CIAPIN1: variants seen among roughly 807,000 people sequenced by gnomAD.
CIAPIN1 encodes cytokine induced apoptosis inhibitor 1.
Under a neutral mutation model 34.3 loss-of-function variants are expected in CIAPIN1, and 18 were observed. That is an observed-to-expected ratio of 0.52 (90% CI 0.36 to 0.78). The LOEUF (loss-of-function observed/expected upper bound fraction) is 0.78. Ranked by LOEUF, CIAPIN1 falls within the 30% of genes least tolerant of loss-of-function variation. The pLI, the probability that CIAPIN1 is intolerant of heterozygous loss-of-function variation, is 0.00. For synonymous variants in CIAPIN1, 131 were observed against 140.4 expected (o/e 0.93, Z 0.47); for missense variants, 310 against 372.5 (o/e 0.83, Z 1.38).
rs1262724167 is a variant in CIAPIN1, at chr16:57,436,877, G to T, written c.311-145C>A. 5 of 516,192 alleles carry T rather than the reference G, an allele frequency of 9.7e-6. No homozygotes were observed. In the African/African-American group the frequency reaches 1.0e-4, roughly 10 times the overall value. 32.0% of individuals were successfully genotyped at this position (516,192 alleles called of 1,614,324 possible). The stretch of plus-strand genomic sequence containing the variant: ...CTCATGTCTGTAATCCCAGCACTTT[G>T]GGAGGCTGAGGTGGACAGATCACTT... On this transcript the variant is annotated intron_variant, in intron 3 of 8. Transcript: ENST00000394391.
chr16:57,438,622 T>G (rs747978456), intron 3 of CIAPIN1, among the ~76,000 whole-genome samples: 1 of 152,224 alleles, frequency 6.6e-6, no homozygotes, highest in Non-Finnish European at 1.5e-5. Flanking sequence ...TTATTATATG[T>G]GTAGATTTGT....
chr16:57,444,764 G>A (rs1489287060), intron 1 of CIAPIN1, among the ~76,000 whole-genome samples: 1 of 152,158 alleles, frequency 6.6e-6, no homozygotes, highest in African/African-American at 2.4e-5. Context: ...AAGCCAAAGT[G>A]TGATACTTTT....
At chr16:57,429,649 G>A (rs1034577917) in intron 8 of CIAPIN1, among the ~76,000 whole-genome samples, 3 of 151,742 alleles carry the variant, frequency 2.0e-5, no homozygotes, top group Non-Finnish European at 2.9e-5. Flanking sequence ...CCGCTACCAT[G>A]CCCGGCAAAT....
At chr16:57,436,556 A>G (rs937669764) in intron 4 of CIAPIN1, 100 bp downstream of exon 4, 6 of 877,264 alleles carry the variant, frequency 6.8e-6, no homozygotes. Flanking sequence ...CCTTTGAAGC[A>G]TCATGTATCT....
At position 57,445,834 on chromosome 16, in the gene CIAPIN1, GTTTTTTTTTT is replaced by G. The variant is rs751037117; in HGVS notation, c.-56+1498_-56+1507del. Among the ~76,000 whole-genome samples the G allele has an allele frequency of 2.9e-3, 205 of 70,490 alleles. 1 individual carries two copies. The Middle Eastern group carries it at 0.065, about 22-fold the overall frequency. The allele number at this position is 70,490 out of a possible 152,430, so 46.2% of individuals were successfully genotyped here. On this transcript the variant is annotated intron_variant, in intron 1 of 8. Coordinates refer to ENST00000394391, the MANE Select transcript of CIAPIN1 (RefSeq NM_020313.4). ...AGACACTTAGACTAAGACCTTAGAGGTTTTTTTTTTTTTTTTTTTTTTTTTTTTTTTGGCA... is the reference window on the plus strand; with the variant it reads ...AGACACTTAGACTAAGACCTTAGAGGTTTTTTTTTTTTTTTTTTTTTGGCA...
rs1401556232 is a variant in CIAPIN1 at position 57,431,456 on chromosome 16, T to C, written c.631-190A>G. ...GAGGCCAACGGTGAGTTAAACTACATCCACAGAAGATGCACTAGGATGCAA... is the reference window on the plus strand; with the variant it reads ...GAGGCCAACGGTGAGTTAAACTACACCCACAGAAGATGCACTAGGATGCAA... On this transcript the variant is annotated intron_variant, in intron 6 of 8. Coordinates refer to ENST00000394391, the MANE Select transcript of CIAPIN1 (RefSeq NM_020313.4). 6 of 473,768 alleles carry C rather than the reference T, an allele frequency of 1.3e-5. No individual in the cohort carries two copies. In the East Asian group the frequency reaches 1.9e-4, roughly 15 times the overall value. 29.3% of individuals were successfully genotyped at this position (473,768 alleles called of 1,614,324 possible). A position where few individuals can be genotyped will look rare whatever the true frequency, so the allele number is the denominator to read the frequency against.
intron 5 of CIAPIN1, chr16:57,433,687 C>A: frequency 4.0e-6 from 1 of 249,424 alleles, no homozygotes; most frequent in Non-Finnish European, 7.9e-6. Context: ...AGGAACAGGG[C>A]ACTCTCATAC....
chr16:57,433,264 G>A (rs555492284), intron 5 of CIAPIN1, among the ~76,000 whole-genome samples: 27 of 152,332 alleles, frequency 1.8e-4, no homozygotes, highest in African/African-American at 6.0e-4. Context: ...GGCCCTTGGG[G>A]TAAGAGTACC....
At chr16:57,437,076 G>A (rs138994570) in intron 3 of CIAPIN1, among the ~76,000 whole-genome samples, 3,087 of 152,194 alleles carry the variant, frequency 0.02, 59 homozygotes, top group Non-Finnish European at 0.031. Context: ...GCAGTGAGCC[G>A]AGATTGCACC....
intron 7 of CIAPIN1, chr16:57,430,541 G>A: frequency 1.7e-6 from 1 of 587,322 alleles, no homozygotes; most frequent in Non-Finnish European, 3.1e-6. Context: ...AGTACCGTGT[G>A]TGCTCTGTCT....
intron 1 of CIAPIN1, among the ~76,000 whole-genome samples, chr16:57,442,717 C>T (rs1396742590): frequency 6.6e-6 from 1 of 152,180 alleles, no homozygotes; most frequent in African/African-American, 2.4e-5. Context: ...CTCCTCTTTG[C>T]CTACAAAACA....
At position 57,431,218 on chromosome 16, in the gene CIAPIN1, G is replaced by C. The variant is rs779579156; in HGVS notation, c.679C>G (p.Pro227Ala). 6.2e-7 allele frequency: 1 copy of C among 1,613,736 alleles called. No individual in the cohort carries two copies. Among genetic ancestry groups the C allele is most frequent in the Admixed American group, 1.7e-5 (1 of 59,978 alleles). The change falls in exon 7 of 9, where the codon CCA becomes GCA. Residue 227 changes from proline (P) to alanine (A), a missense_variant. Coordinates refer to ENST00000394391, the MANE Select transcript of CIAPIN1 (RefSeq NM_020313.4). ...GCAGCCCGCAGGGAAGCTGGATCTG[G>C]CTTCTTCAAATCTTCTGGATCCAGC... The part of the protein sequence containing the change: ...ELLDPEDLKK[P>A]DPASLRAASC...
rs1903019270 is a variant in CIAPIN1 at position 57,429,085 on chromosome 16, AGAG to A, written c.*82_*84del. The A allele has an allele frequency of 4.4e-6, 4 of 905,952 alleles. No individual in the cohort carries two copies. The highest frequency in any genetic ancestry group is 2.4e-5 in the East Asian group (1 of 41,092). 56.1% of individuals were successfully genotyped at this position (905,952 alleles called of 1,614,324 possible). On this transcript the variant is annotated 3_prime_UTR_variant, in exon 9 of 9. Transcript: ENST00000394391. ...AACAGATCTCAGAGTGAACAAATCC[AGAG>A]GAGGTGGGAGGAGCCACCATGGTGG...
intron 5 of CIAPIN1, among the ~76,000 whole-genome samples, chr16:57,433,199 T>C (rs112089678): frequency 2.0e-5 from 3 of 152,168 alleles, no homozygotes; most frequent in African/African-American, 7.2e-5. Context: ...GTCAGGAGAA[T>C]GCAAGGAAGA....
chr16:57,447,043 T>C (rs2030108289), intron 1 of CIAPIN1, among the ~76,000 whole-genome samples: 1 of 152,090 alleles, frequency 6.6e-6, no homozygotes, highest in Non-Finnish European at 1.5e-5. Context: ...CTCGGAGCCG[T>C]TTCTCCTCAG....
At chr16:57,440,712 A>C (rs1467748490) in intron 2 of CIAPIN1, 60 bp downstream of exon 2, 9 of 1,514,842 alleles carry the variant, frequency 5.9e-6, no homozygotes, top group Non-Finnish European at 8.0e-6. Context: ...AACCACAGAA[A>C]TGCAACACTC....
In CIAPIN1 at chr16:57,431,241, A is replaced by G; in HGVS notation, c.656T>C (p.Leu219Pro). The change falls in exon 7 of 9, where the codon CTG becomes CCG. Residue 219 changes from leucine (L) to proline (P), a missense_variant. Coordinates refer to ENST00000394391, the MANE Select transcript of CIAPIN1 (RefSeq NM_020313.4). ...TGGCTTCTTCAAATCTTCTGGATCC[A>G]GCAGCTCATCTGAGTCAATGAGATC... ...SMDLIDSDEL[L>P]DPEDLKKPDP... The G allele has an allele frequency of 1.9e-6, 3 of 1,613,676 alleles. No homozygotes were observed. Among genetic ancestry groups the G allele is most frequent in the Non-Finnish European group, 2.5e-6 (3 of 1,179,672 alleles).
At chr16:57,440,656 C>G (rs1903309207) in intron 2 of CIAPIN1, 116 bp downstream of exon 2, 3 of 1,143,444 alleles carry the variant, frequency 2.6e-6, no homozygotes, top group Non-Finnish European at 3.7e-6. Context: ...GGGTGACCAG[C>G]CACCACTATC....
intron 8 of CIAPIN1, 142 bp from the exon 9 acceptor site, chr16:57,429,422 C>G: frequency 1.6e-6 from 1 of 608,356 alleles, no homozygotes; most frequent in South Asian, 2.0e-5. Context: ...GACCAAAATA[C>G]TAAGAGTTTT....
Sources: allele counts gnomAD v4.1 joint callset (sites outside exome capture counted in the v4.1 genomes callset), GRCh38; gene constraint gnomAD v4.1.1; transcripts MANE v1.5; gene names NCBI Gene and HGNC (gene_info 2026-07-23, HGNC 2026-07-21).